The following SRFBP1 variants were observed in gnomAD, a reference collection of about 807,000 sequenced individuals.
SRFBP1 encodes serum response factor-binding protein 1.
SRFBP1 carries 47 observed loss-of-function variants against 45.5 expected under a neutral mutation model. The observed-to-expected ratio is 1.03, with a 90% CI of 0.82 to 1.32. SRFBP1 has a LOEUF of 1.32. Ranked by LOEUF, SRFBP1 falls within the 40% of genes most tolerant of loss-of-function variation. The probability of loss-of-function intolerance (pLI) is 0.00; values close to 1 mark genes in which losing one functional copy is unlikely to be tolerated. For missense variants in SRFBP1, 621 were observed against 484.6 expected, an observed-to-expected ratio of 1.28 and a Z score of -2.64; for synonymous variants, 203 against 166.3, an observed-to-expected ratio of 1.22 and a Z score of -1.70.
chr5:122,057,898 C>CT (rs760740763), intron 2 of SRFBP1, among the ~76,000 whole-genome samples: 3 of 152,036 alleles, frequency 2.0e-5, no homozygotes, highest in Admixed American at 1.3e-4. Flanking sequence ...ATGCTGGTCT[C>CT]TAACTCCTCA....
At chr5:122,078,128 T>C (rs1580568930), downstream of SRFBP1, 1 of 709,360 alleles carries the variant, frequency 1.4e-6, no homozygotes, top group East Asian at 3.4e-5. Context: ...CACCAAGCAA[T>C]GCCAAGGGTG....
At chr5:122,000,785 A>G (rs545843995) in intron 4 of SRFBP1, among the ~76,000 whole-genome samples, 270 of 152,278 alleles carry the variant, frequency 1.8e-3, no homozygotes, top group African/African-American at 6.2e-3. Context: ...CTCTCCAGAT[A>G]GGAACCAGAA....
downstream of SRFBP1, among the ~76,000 whole-genome samples, chr5:122,075,798 C>A (rs1158708697): frequency 6.6e-6 from 1 of 152,018 alleles, no homozygotes; most frequent in Admixed American, 6.6e-5. Context: ...ATCCACAGAT[C>A]TTAACAGTAA....
intron 2 of SRFBP1, among the ~76,000 whole-genome samples, chr5:122,038,641 C>G (rs535863965): frequency 6.0e-4 from 91 of 152,294 alleles, no homozygotes; most frequent in Admixed American, 1.6e-3. Context: ...CAATTTCCTT[C>G]CAAACATGAT....
intron 4 of SRFBP1, among the ~76,000 whole-genome samples, chr5:121,998,128 C>G (rs1307264222): frequency 6.6e-6 from 1 of 150,646 alleles, no homozygotes; most frequent in African/African-American, 2.4e-5. Context: ...GGATCTAGAA[C>G]TAGAAATACC....
intron 4 of SRFBP1, among the ~76,000 whole-genome samples, chr5:121,995,579 A>G (rs909807621): frequency 6.6e-6 from 1 of 152,202 alleles, no homozygotes; most frequent in Non-Finnish European, 1.5e-5. Flanking sequence ...TCCAAAATTG[A>G]CACCCTAACA....
intron 2 of SRFBP1, among the ~76,000 whole-genome samples, chr5:122,044,521 T>TG (rs1753824071): frequency 6.6e-6 from 1 of 152,156 alleles, no homozygotes; most frequent in South Asian, 2.1e-4. Context: ...TATTATTTTT[T>TG]TTTTTTACTT....
At chr5:121,964,014 G>T (rs1752008307) in intron 1 of SRFBP1, among the ~76,000 whole-genome samples, 1 of 151,912 alleles carries the variant, frequency 6.6e-6, no homozygotes, top group African/African-American at 2.4e-5. Flanking sequence ...GAAATTAAAA[G>T]AAACCATCTC....
intron 2 of SRFBP1, among the ~76,000 whole-genome samples, chr5:122,047,486 C>T (rs1053738926): frequency 1.3e-5 from 2 of 152,160 alleles, no homozygotes; most frequent in African/African-American, 4.8e-5. Context: ...AGCTTGATGC[C>T]TCCAGCTTTG....
At chr5:121,970,696 A>G (rs553496324) in intron 1 of SRFBP1, among the ~76,000 whole-genome samples, 133 of 152,186 alleles carry the variant, frequency 8.7e-4, no homozygotes, top group African/African-American at 3.0e-3. Flanking sequence ...TATATTATGC[A>G]TTTGAAACAG....
chr5:121,983,289 T>A (rs1380567505), intron 3 of SRFBP1, among the ~76,000 whole-genome samples: 1 of 151,820 alleles, frequency 6.6e-6, no homozygotes, highest in Non-Finnish European at 1.5e-5. Context: ...CTGTTCGATT[T>A]ATTTCTTAGA....
chr5:122,023,840 T>C (rs1396510350), intron 7 of SRFBP1, among the ~76,000 whole-genome samples: 1 of 152,258 alleles, frequency 6.6e-6, no homozygotes, highest in Non-Finnish European at 1.5e-5. Context: ...TCAGTCCGTC[T>C]GTGGGCTAGT....
At chr5:122,066,272 T>C (rs150019821) in intron 2 of SRFBP1, 157 of 154,164 alleles carry the variant, frequency 1.0e-3, no homozygotes, top group Non-Finnish European at 2.0e-3. Flanking sequence ...TGTGTCCATA[T>C]GTATTTAAAC....
chr5:122,007,273 A>T (rs1752997046), intron 4 of SRFBP1, among the ~76,000 whole-genome samples: 1 of 152,000 alleles, frequency 6.6e-6, no homozygotes. Flanking sequence ...TTGGGGCCTC[A>T]GTCCATGGCA....
At chr5:122,052,119 G>A (rs756517621) in intron 2 of SRFBP1, among the ~76,000 whole-genome samples, 6 of 152,170 alleles carry the variant, frequency 3.9e-5, no homozygotes, top group Non-Finnish European at 7.4e-5. Context: ...AAGGTCCGCT[G>A]TTAGCTTGAT....
At chr5:122,005,052 A>AT (rs1561588524) in intron 4 of SRFBP1, among the ~76,000 whole-genome samples, 1 of 152,022 alleles carries the variant, frequency 6.6e-6, no homozygotes, top group Non-Finnish European at 1.5e-5. Flanking sequence ...GTTAGGCCTA[A>AT]TTTTGTGGCC....
intron 1 of SRFBP1, among the ~76,000 whole-genome samples, chr5:121,963,090 T>C (rs772411259): frequency 3.9e-5 from 6 of 151,976 alleles, no homozygotes; most frequent in Non-Finnish European, 8.8e-5. Context: ...TTGCAGTCAG[T>C]GATTCAGGAA....
downstream of SRFBP1, chr5:122,077,518 G>A: frequency 6.2e-7 from 1 of 1,613,834 alleles, no homozygotes; most frequent in Non-Finnish European, 8.5e-7. This position sits in a 1 kb window ranked among gnomAD's most constrained non-coding sequence, Gnocchi z 4.9. Flanking sequence ...GCGGCCGCAG[G>A]TTACTGAGCG....
At position 122,072,434 on chromosome 5, in the gene SRFBP1, TTAA is replaced by T. The variant is rs755422735; in HGVS notation, n.312-2877_312-2875del. 1.2e-4 allele frequency among the ~76,000 whole-genome samples: 19 copies of T among 152,204 alleles called. No homozygotes were observed. In the East Asian group the frequency reaches 2.5e-3, roughly 20 times the overall value. On this transcript the variant is annotated intron_variant and non_coding_transcript_variant, in intron 2 of 2. Coordinates refer to the SRFBP1 transcript ENST00000504881. ...AATACATACTATTTGTTACATTAAA[TTAA>T]TAAGGTGAATTCAACTGTTTTAGTT...
Sources: gnomAD v4.1 joint callset for allele counts (sites outside exome capture counted in the v4.1 genomes callset) on GRCh38, gnomAD v4.1.1 for gene constraint, Gnocchi (gnomAD v3.1) non-coding constraint, MANE v1.5 for transcripts, NCBI Gene and HGNC (gene_info 2026-07-23, HGNC 2026-07-21) for gene names.